SLC14A2: variants seen among roughly 807,000 people sequenced by gnomAD.
SLC14A2 encodes solute carrier family 14 member 2, also known as urea transporter 2.
In SLC14A2, 91 loss-of-function variants were observed where a neutral mutation model predicts 104.6. That is an observed-to-expected ratio of 0.87 (90% CI 0.73 to 1.04). The LOEUF (loss-of-function observed/expected upper bound fraction) is 1.04, where lower values mean the gene tolerates loss of function less well. Ranked by LOEUF, SLC14A2 falls within the 50% of genes least tolerant of loss-of-function variation. SLC14A2 has a pLI of 0.00. For missense variants in SLC14A2, 1,189 were observed against 1,156.0 expected, an observed-to-expected ratio of 1.03 and a Z score of -0.41; for synonymous variants, 476 against 466.4, an observed-to-expected ratio of 1.02 and a Z score of -0.27.
chr18:45,586,066 T>C (rs2044562684), intron 2 of SLC14A2, among the ~76,000 whole-genome samples: 1 of 152,242 alleles, frequency 6.6e-6, no homozygotes, highest in Non-Finnish European at 1.5e-5. Context: ...AATAAATATG[T>C]TAATACATAT....
chr18:45,488,676 G>A (rs372508346), intron 2 of SLC14A2, among the ~76,000 whole-genome samples: 43 of 152,302 alleles, frequency 2.8e-4, no homozygotes, highest in African/African-American at 1.0e-3. Context: ...GGTCACCTGA[G>A]TAGCAAGGGT....
chr18:45,477,770 G>A (rs1282549313), intron 1 of SLC14A2, among the ~76,000 whole-genome samples: 4 of 152,260 alleles, frequency 2.6e-5, no homozygotes, highest in East Asian at 1.9e-4. Flanking sequence ...TCCTGGTGGC[G>A]TTGTTTATAC....
chr18:45,560,120 C>A (rs1568276565), intron 2 of SLC14A2, among the ~76,000 whole-genome samples: 1 of 152,190 alleles, frequency 6.6e-6, no homozygotes, highest in African/African-American at 2.4e-5. Flanking sequence ...TTCTGACTGG[C>A]CTGCATTTGT....
At chr18:45,250,544 T>C (rs560203211) in intron 1 of SLC14A2, among the ~76,000 whole-genome samples, 6 of 152,226 alleles carry the variant, frequency 3.9e-5, no homozygotes, top group African/African-American at 1.2e-4. Flanking sequence ...GTTGCTGTAC[T>C]CACTTCCTGT....
chr18:45,536,668 AT>A (rs1228131942), intron 2 of SLC14A2, among the ~76,000 whole-genome samples: 1 of 152,144 alleles, frequency 6.6e-6, no homozygotes. Flanking sequence ...ATTCTCAGGT[AT>A]TGGGGGTTGG....
At chr18:45,611,056 G>A (rs1428828310), upstream of SLC14A2, among the ~76,000 whole-genome samples, 1 of 152,188 alleles carries the variant, frequency 6.6e-6, no homozygotes, top group Non-Finnish European at 1.5e-5. Context: ...AGGAGAACTA[G>A]GGCCCATCAG....
rs2085254004 is a variant in SLC14A2, at chr18:45,328,088, A to T, written c.-125+114897A>T. Among the ~76,000 whole-genome samples the T allele has an allele frequency of 2.0e-5, 3 of 152,294 alleles. No homozygotes were observed. In the South Asian group the frequency reaches 6.2e-4, roughly 32 times the overall value. ...AAAAAACAAAGTGGAAGAAAAAAAA[A>T]TGTTGTTCCATAAGGATTTTCCTCC... On this transcript the variant is annotated intron_variant, in intron 1 of 20. Transcript: ENST00000586448.
At chr18:45,462,039 C>A (rs187988550) in intron 1 of SLC14A2, among the ~76,000 whole-genome samples, 1 of 152,254 alleles carries the variant, frequency 6.6e-6, no homozygotes, top group African/African-American at 2.4e-5. Context: ...CTGGAAGAAA[C>A]CTGGCCCTCT....
chr18:45,452,004 C>T (rs2086865529), intron 1 of SLC14A2, among the ~76,000 whole-genome samples: 1 of 151,878 alleles, frequency 6.6e-6, no homozygotes, highest in Non-Finnish European at 1.5e-5. Context: ...GTAATCAAGA[C>T]AAATCATCTT....
At chr18:45,409,496 AT>A (rs1359679008) in intron 1 of SLC14A2, among the ~76,000 whole-genome samples, 1 of 152,206 alleles carries the variant, frequency 6.6e-6, no homozygotes, top group African/African-American at 2.4e-5. Flanking sequence ...GGCATCCATA[AT>A]TCTTCACTCC....
At chr18:45,465,513 C>T (rs1403575974) in intron 1 of SLC14A2, among the ~76,000 whole-genome samples, 1 of 152,130 alleles carries the variant, frequency 6.6e-6, no homozygotes, top group Non-Finnish European at 1.5e-5. Flanking sequence ...CCTCTGGCCT[C>T]CCAAAGCAGA....
In SLC14A2 at chr18:45,527,652, A is replaced by G. The variant is rs1469853652; in HGVS notation, c.-35+44330A>G. ...TCTCAGGTTAAGTTCTAGCCTGGAT[A>G]CTTATAGCAGCCATGTCCATTAGGC... On this transcript the variant is annotated intron_variant, in intron 2 of 20. Coordinates refer to the SLC14A2 transcript ENST00000586448. Among the ~76,000 whole-genome samples, 3 of 152,214 alleles carry G rather than the reference A, an allele frequency of 2.0e-5. No homozygotes were observed. In the East Asian group the frequency reaches 5.8e-4, roughly 29 times the overall value.
chr18:45,320,618 T>C (rs2085175680), intron 1 of SLC14A2, among the ~76,000 whole-genome samples: 1 of 151,952 alleles, frequency 6.6e-6, no homozygotes, highest in South Asian at 2.1e-4. Flanking sequence ...CTGGCAGGAG[T>C]GGTGAGAGTG....
chr18:45,467,036 C>T (rs188496996), intron 1 of SLC14A2, among the ~76,000 whole-genome samples: 1 of 152,046 alleles, frequency 6.6e-6, no homozygotes, highest in Non-Finnish European at 1.5e-5. Context: ...GGTATCTAAG[C>T]AGACAGGAAT....
intron 1 of SLC14A2, among the ~76,000 whole-genome samples, chr18:45,255,943 C>G (rs2084473343): frequency 6.6e-6 from 1 of 152,126 alleles, no homozygotes; most frequent in Non-Finnish European, 1.5e-5. Context: ...TGTATGCTTT[C>G]TAGAGATCTT....
At chr18:45,500,800 C>T (rs2043186314) in intron 2 of SLC14A2, among the ~76,000 whole-genome samples, 1 of 152,184 alleles carries the variant, frequency 6.6e-6, no homozygotes, top group Non-Finnish European at 1.5e-5. Flanking sequence ...GTGGATCCGT[C>T]TCTACCTTTT....
intron 1 of SLC14A2, among the ~76,000 whole-genome samples, chr18:45,235,297 C>T (rs2084213769): frequency 6.6e-6 from 1 of 152,092 alleles, no homozygotes; most frequent in African/African-American, 2.4e-5. Flanking sequence ...TATTTTGACA[C>T]ACAATAATTG....
intron 2 of SLC14A2, among the ~76,000 whole-genome samples, chr18:45,496,132 T>C (rs1439146961): frequency 6.7e-6 from 1 of 150,292 alleles, no homozygotes; most frequent in African/African-American, 2.4e-5. Context: ...TGATCCCTAA[T>C]AGTAGCGGCA....
chr18:45,340,424 T>C (rs894427692), intron 1 of SLC14A2, among the ~76,000 whole-genome samples: 2 of 152,212 alleles, frequency 1.3e-5, no homozygotes, highest in Admixed American at 1.3e-4. Context: ...GCCATACTTT[T>C]ATTCCAGAGT....
Sources: allele counts gnomAD v4.1 joint callset (sites outside exome capture counted in the v4.1 genomes callset), GRCh38; gene constraint gnomAD v4.1.1; transcripts MANE v1.5; gene names NCBI Gene and HGNC (gene_info 2026-07-23, HGNC 2026-07-21).